The following MTM1 variants were observed in gnomAD, a reference collection of about 807,000 sequenced individuals.
MTM1 encodes myotubularin.
Under a neutral mutation model 52.1 loss-of-function variants are expected in MTM1, and 9 were observed. The ratio of observed to expected loss-of-function variants is 0.17; its 90% CI spans 0.10 to 0.30. The LOEUF (loss-of-function observed/expected upper bound fraction) is 0.30, where lower values mean the gene tolerates loss of function less well. MTM1 is among the 10% of genes least tolerant of loss of function. The pLI is 1.00. For synonymous variants in MTM1, 136 were observed against 163.8 expected (o/e 0.83, Z 1.29); for missense variants, 277 against 470.7 (o/e 0.59, Z 3.81).
intron 1 of MTM1, among the ~76,000 whole-genome samples, chrX:150,579,440 AT>A (rs1355610569): frequency 2.7e-5 from 3 of 111,623 alleles, no homozygotes; most frequent in Non-Finnish European, 5.6e-5. Context: ...TCTTGGACGT[AT>A]TTTGTTCAGT....
At chrX:150,597,956 G>A (rs1441015720) in intron 3 of MTM1, among the ~76,000 whole-genome samples, 1 of 110,647 alleles carries the variant, frequency 9.0e-6, no homozygotes. Context: ...GTGCAGTGGC[G>A]CATACCCATA....
chrX:150,658,733 A>G (rs1333790271), intron 11 of MTM1, among the ~76,000 whole-genome samples: 3 of 111,864 alleles, frequency 2.7e-5, no homozygotes, highest in African/African-American at 9.8e-5. Flanking sequence ...CATGAAGGGG[A>G]TCTGTAGGCT....
chrX:150,658,603 C>T (rs912456127), intron 11 of MTM1, among the ~76,000 whole-genome samples: 1 of 110,191 alleles, frequency 9.1e-6, no homozygotes, highest in Non-Finnish European at 1.9e-5. Flanking sequence ...TTTAAAATAA[C>T]CCCCCCAAGA....
At chrX:150,644,106 A>G (rs222367) in intron 8 of MTM1, among the ~76,000 whole-genome samples, 34,949 of 110,109 alleles carry the variant, frequency 0.32, 5,631 homozygotes, top group African/African-American at 0.63. Context: ...TCTCAATAAT[A>G]AATAATTTTT....
chrX:150,665,542 A>G (rs1557414894), intron 14 of MTM1, among the ~76,000 whole-genome samples: 1 of 112,971 alleles, frequency 8.9e-6, no homozygotes, highest in Non-Finnish European at 1.9e-5. Flanking sequence ...TTAACCACTT[A>G]AAAGTTAAAT....
At chrX:150,628,348 A>G (rs782263773) in intron 6 of MTM1, among the ~76,000 whole-genome samples, 1 of 110,638 alleles carries the variant, frequency 9.0e-6, no homozygotes, top group East Asian at 2.8e-4. Flanking sequence ...TTTTTTTGAA[A>G]CCTAACTTTC....
At chrX:150,625,289 C>T (rs1557413377) in intron 6 of MTM1, among the ~76,000 whole-genome samples, 1 of 111,864 alleles carries the variant, frequency 8.9e-6, no homozygotes. Flanking sequence ...CTGCCTGGCA[C>T]GCAGTAAGTA....
intron 6 of MTM1, among the ~76,000 whole-genome samples, chrX:150,624,569 T>G (rs1557413364): frequency 8.9e-6 from 1 of 112,315 alleles, no homozygotes; most frequent in Non-Finnish European, 1.9e-5. Context: ...TCAGAGATAA[T>G]ACACATATTA....
chrX:150,645,619 AGTTTTAATT>A, intron 8 of MTM1, 55 bp from the exon 9 acceptor site: 2 of 1,027,337 alleles, frequency 1.9e-6, no homozygotes, highest in Non-Finnish European at 2.7e-6. Context: ...ACTGTTTTAC[AGTTTTAATT>A]GTTTGCTTGG....
At chrX:150,631,761 C>G (rs978458767) in intron 6 of MTM1, among the ~76,000 whole-genome samples, 6 of 106,482 alleles carry the variant, frequency 5.6e-5, no homozygotes, top group African/African-American at 2.1e-4. Flanking sequence ...AGTATTTCAT[C>G]TATTTGGAAT....
chrX:150,647,548 C>T (rs1455137337), intron 9 of MTM1, among the ~76,000 whole-genome samples: 3 of 111,692 alleles, frequency 2.7e-5, no homozygotes, highest in Non-Finnish European at 5.6e-5. Flanking sequence ...GCAACAGGCC[C>T]GTAGACCTTT....
Position 150,657,842 on chromosome X carries a change from C to A in MTM1, c.1075C>A (p.Gln359Lys), listed in dbSNP as rs1557414501. ...TCAGCTCGTTTTGACAGGAGCCATT[C>A]AAGTAGCAGACAAAGTTTCTTCAGG... ...HIKLVLTGAI[Q>K]VADKVSSGKS... The change falls in exon 11 of 15, where the codon CAA (glutamine) becomes AAA (lysine). Residue 359 changes from glutamine (Q) to lysine (K), a missense_variant. By Grantham distance (53) the Gln-to-Lys change is moderately conservative (BLOSUM62 1). This residue lies in a region of MTM1 where 164 missense variants were observed against 283.3 expected (regional missense o/e 0.58). Coordinates refer to ENST00000370396, the MANE Select transcript of MTM1 (RefSeq NM_000252.3). The A allele has an allele frequency of 1.7e-6, 2 of 1,211,557 alleles. No individual in the cohort carries two copies.
intron 4 of MTM1, among the ~76,000 whole-genome samples, chrX:150,602,838 A>C (rs2039088873): frequency 8.9e-6 from 1 of 112,150 alleles, no homozygotes; most frequent in Admixed American, 9.4e-5. Flanking sequence ...TCATGTCTTC[A>C]TTCCAGAAAC....
At chrX:150,630,248 C>A (rs1472899956) in intron 6 of MTM1, among the ~76,000 whole-genome samples, 1 of 111,390 alleles carries the variant, frequency 9.0e-6, no homozygotes, top group Non-Finnish European at 1.9e-5. Flanking sequence ...TGGGCCACCA[C>A]ACCCGGCTAA....
At chrX:150,583,456 AT>A (rs1187947905) in intron 1 of MTM1, among the ~76,000 whole-genome samples, 5 of 32,939 alleles carry the variant, frequency 1.5e-4, no homozygotes, top group African/African-American at 6.7e-4. Flanking sequence ...TATATTATAT[AT>A]AATTATAAAT....
chrX:150,589,816 C>T (rs1317930850), intron 1 of MTM1, among the ~76,000 whole-genome samples: 1 of 108,535 alleles, frequency 9.2e-6, no homozygotes, highest in Non-Finnish European at 1.9e-5. Flanking sequence ...TGCGCTATCC[C>T]TGTATTAGTT....
intron 4 of MTM1, among the ~76,000 whole-genome samples, chrX:150,602,813 C>T (rs782028064): frequency 1.8e-5 from 2 of 112,038 alleles, no homozygotes; most frequent in African/African-American, 3.2e-5. Flanking sequence ...CCTTAACCCT[C>T]GTTCATTCAG....
Position 150,606,476 on chromosome X carries a change from G to A in MTM1, c.231+7790G>A, listed in dbSNP as rs112823494. On this transcript the variant is annotated intron_variant, in intron 4 of 14. Transcript: ENST00000370396. The stretch of plus-strand genomic sequence containing the variant: ...TCATCGCTGCTTTGGCAATTCCTTC[G>A]GTCTCAGATTGACTTCTCACTACAC... Among the ~76,000 whole-genome samples the A allele has an allele frequency of 6.6e-3, 729 of 111,208 alleles. 5 individuals are homozygous for A. The highest frequency in any genetic ancestry group is 0.023 in the African/African-American group (691 of 30,510).
intron 10 of MTM1, among the ~76,000 whole-genome samples, chrX:150,655,438 T>C (rs2040096532): frequency 8.9e-6 from 1 of 112,013 alleles, no homozygotes; most frequent in Admixed American, 9.5e-5. Flanking sequence ...AAAATGTGTA[T>C]GCAAAAGTTC....
Sources: gnomAD v4.1 joint callset for allele counts (sites outside exome capture counted in the v4.1 genomes callset) on GRCh38, gnomAD v4.1.1 for gene constraint, gnomAD v4.1.1 regional missense constraint, MANE v1.5 for transcripts, NCBI Gene and HGNC (gene_info 2026-07-23, HGNC 2026-07-21) for gene names.